NCK2: variants seen among roughly 807,000 people sequenced by gnomAD.
The protein encoded by NCK2 is NCK adaptor protein 2.
Under a neutral mutation model 33.9 loss-of-function variants are expected in NCK2, and 16 were observed. That is an observed-to-expected ratio of 0.47 (90% confidence interval 0.32 to 0.72). The LOEUF is 0.72. Ranked by LOEUF, NCK2 falls within the 30% of genes least tolerant of loss-of-function variation. The pLI is 0.03. For missense variants in NCK2, 418 were observed against 537.3 expected (o/e 0.78, Z 2.19); for synonymous variants, 273 against 239.9 (o/e 1.14, Z -1.27).
At chr2:105,822,066 C>T (rs1002718120) in intron 2 of NCK2, among the ~76,000 whole-genome samples, 21 of 151,956 alleles carry the variant, frequency 1.4e-4, no homozygotes, top group African/African-American at 4.8e-4. Context: ...AGGCTGGGAG[C>T]TCCCATTTCC....
At chr2:105,876,295 C>G (rs190085327) in intron 3 of NCK2, among the ~76,000 whole-genome samples, 9 of 152,358 alleles carry the variant, frequency 5.9e-5, no homozygotes, top group African/African-American at 2.2e-4. Context: ...TGCTAAAACA[C>G]ATGACCGCAC....
At chr2:105,823,936 A>G (rs1293264127) in intron 2 of NCK2, among the ~76,000 whole-genome samples, 2 of 152,034 alleles carry the variant, frequency 1.3e-5, no homozygotes, top group Non-Finnish European at 2.9e-5. Flanking sequence ...TACCCAGGTC[A>G]CAGTGTGAAC....
chr2:105,769,171 A>G (rs185874619), intron 1 of NCK2, among the ~76,000 whole-genome samples: 5 of 152,238 alleles, frequency 3.3e-5, no homozygotes, highest in East Asian at 1.9e-4. Context: ...TTGCTCAGTA[A>G]ATACCAAGGG....
chr2:105,865,704 C>T (rs1026475189), intron 3 of NCK2, among the ~76,000 whole-genome samples: 10 of 152,106 alleles, frequency 6.6e-5, no homozygotes, highest in African/African-American at 2.4e-4. Context: ...ACTCCTTTTC[C>T]GTAATTGAGT....
intron 1 of NCK2, among the ~76,000 whole-genome samples, chr2:105,816,095 C>A (rs1675474736): frequency 1.3e-5 from 2 of 151,960 alleles, no homozygotes; most frequent in Non-Finnish European, 2.9e-5. Flanking sequence ...TGATGGAGGT[C>A]TTTAGGCACA....
intron 1 of NCK2, among the ~76,000 whole-genome samples, chr2:105,804,817 T>C (rs952168310): frequency 6.6e-6 from 1 of 152,238 alleles, no homozygotes; most frequent in Non-Finnish European, 1.5e-5. Flanking sequence ...TCCACGTTGA[T>C]ATTCATGGCC....
chr2:105,883,702 G>A (rs1451264598), intron 4 of NCK2, among the ~76,000 whole-genome samples: 1 of 152,132 alleles, frequency 6.6e-6, no homozygotes, highest in Non-Finnish European at 1.5e-5. Flanking sequence ...CATTGTCTGG[G>A]TTTCATCTCA....
At chr2:105,813,259 G>GT (rs1279633469) in intron 1 of NCK2, among the ~76,000 whole-genome samples, 4 of 152,138 alleles carry the variant, frequency 2.6e-5, no homozygotes, top group Non-Finnish European at 4.4e-5. Flanking sequence ...GCCTGTCACC[G>GT]TTTCTATCAT....
chr2:105,857,075 T>G (rs1483462467), intron 3 of NCK2: 1 of 149,768 alleles, frequency 6.7e-6, no homozygotes, highest in Non-Finnish European at 1.5e-5. Flanking sequence ...TAGTAAAGCA[T>G]GAAGTGCTTA....
chr2:105,881,328 G>A lies in NCK2; in HGVS notation c.227G>A (p.Gly76Asp). The stretch of plus-strand genomic sequence containing the variant: ...ACTGAGCCTTGCTGTGTCTCCACAG[G>A]CCTCGGCAAGACGCGCAGGAAGACC... ...SLVKNLKDTL[G>D]LGKTRRKTSA... The change falls in exon 4 of 5, where the codon GGC (glycine) becomes GAC (aspartate). Residue 76 changes from glycine (G) to aspartate (D), a missense_variant and splice_region_variant. Gly to Asp is a moderately conservative substitution (Grantham distance 94). Coordinates refer to ENST00000233154, the MANE Select transcript of NCK2 (RefSeq NM_003581.5). The A allele has an allele frequency of 6.3e-7, 1 of 1,587,304 alleles. No individual in the cohort carries two copies. Among genetic ancestry groups the A allele is most frequent in the Non-Finnish European group, 8.5e-7 (1 of 1,170,384 alleles).
chr2:105,852,379 C>G (rs896667901), intron 2 of NCK2, among the ~76,000 whole-genome samples: 1 of 152,174 alleles, frequency 6.6e-6, no homozygotes, highest in Admixed American at 6.5e-5. Context: ...CCTTTCCCAT[C>G]TAAGGCTCGG....
At chr2:105,835,967 C>T (rs13426109) in intron 2 of NCK2, among the ~76,000 whole-genome samples, 29,801 of 149,132 alleles carry the variant, frequency 0.2, 4,395 homozygotes, top group African/African-American at 0.41. Flanking sequence ...AGTTCCAAGA[C>T]TTTTTGTGAT....
At chr2:105,777,881 G>A in intron 1 of NCK2, among the ~76,000 whole-genome samples, 1 of 152,208 alleles carries the variant, frequency 6.6e-6, no homozygotes, top group East Asian at 1.9e-4. Context: ...GTACTGGGGT[G>A]ACAGCTCACA....
chr2:105,879,112 T>C (rs1022093991), intron 3 of NCK2, among the ~76,000 whole-genome samples: 2 of 152,260 alleles, frequency 1.3e-5, no homozygotes, highest in Non-Finnish European at 2.9e-5. Flanking sequence ...CTTCATGGCC[T>C]GATGAATATT....
At position 105,893,268 on chromosome 2, in the gene NCK2, C is replaced by T. The variant is rs1018733065; in HGVS notation, c.*92C>T. 7.2e-6 allele frequency: 9 copies of T among 1,245,268 alleles called. No homozygotes were observed. Among genetic ancestry groups the T allele is most frequent in the Non-Finnish European group, 8.7e-6 (8 of 915,238 alleles). 77.1% of individuals were successfully genotyped at this position (1,245,268 alleles called of 1,614,324 possible). ...GAGGCTCCTCCCGCGGGGACGGCCC[C>T]GACGGCTTCTCTGCGAGTCTCTCTT... On this transcript the variant is annotated 3_prime_UTR_variant, in exon 5 of 5. Transcript: ENST00000233154.
chr2:105,770,749 C>T (rs55830542), intron 1 of NCK2, among the ~76,000 whole-genome samples: 71,805 of 151,884 alleles, frequency 0.47, 18,017 homozygotes, highest in African/African-American at 0.64. Context: ...TTTAACAGGT[C>T]AAGAAAAATA....
intron 2 of NCK2, among the ~76,000 whole-genome samples, chr2:105,835,408 T>TATATATATATATATATACACATAC (rs1553458610): frequency 2.4e-5 from 1 of 41,270 alleles, no homozygotes; most frequent in Non-Finnish European, 6.8e-5. Context: ...TATATATACG[T>TATATATATATATATATACACATAC]GTATATATAT....
chr2:105,806,276 C>T (rs912994056), intron 1 of NCK2, among the ~76,000 whole-genome samples: 4 of 137,194 alleles, frequency 2.9e-5, no homozygotes, highest in East Asian at 2.1e-4. Context: ...CTCACTCTGT[C>T]GCCCAGTCTG....
At chr2:105,827,982 T>C (rs1275251894) in intron 2 of NCK2, among the ~76,000 whole-genome samples, 1 of 152,210 alleles carries the variant, frequency 6.6e-6, no homozygotes, top group Non-Finnish European at 1.5e-5. Flanking sequence ...GATATTTTAC[T>C]GCAGTTATGT....
Sources: gnomAD v4.1 joint callset for allele counts (sites outside exome capture counted in the v4.1 genomes callset) on GRCh38, gnomAD v4.1.1 for gene constraint, MANE v1.5 for transcripts, NCBI Gene and HGNC (gene_info 2026-07-23, HGNC 2026-07-21) for gene names.